NPAT: variants seen among roughly 807,000 people sequenced by gnomAD.
NPAT encodes the protein nuclear protein, coactivator of histone transcription.
In NPAT, 52 loss-of-function variants were observed where a neutral mutation model predicts 130.7. That is an observed-to-expected ratio of 0.40 (90% confidence interval 0.32 to 0.50). The LOEUF is 0.50. Ranked by LOEUF, NPAT falls within the 20% of genes least tolerant of loss-of-function variation. The pLI is 0.68. For missense variants in NPAT, 1,687 were observed against 1,662.6 expected (o/e 1.01, Z -0.26); for synonymous variants, 580 against 584.8 (o/e 0.99, Z 0.12).
At position 108,173,152 on chromosome 11, in the gene NPAT, T is replaced by C. The variant is rs749013167; in HGVS notation, c.1832A>G (p.Glu611Gly). The C allele has an allele frequency of 1.2e-6, 2 of 1,613,846 alleles. No homozygotes were observed. Among genetic ancestry groups the C allele is most frequent in the Non-Finnish European group, 8.5e-7 (1 of 1,179,858 alleles). ...TCCAGATACATTTAAATGTGAACTT[T>C]CAACAGACACAGGTAGTATTTCACT... ...LQSEILPVSVESSHLNVSGQV... is the reference protein window; with the variant it reads ...LQSEILPVSVGSSHLNVSGQV... Residue 611 changes from glutamate (E) to glycine (G), a missense_variant, in exon 13 of 18, where the codon GAA becomes GGA. Coordinates refer to ENST00000278612, the MANE Select transcript of NPAT (RefSeq NM_002519.3).
At chr11:108,213,402 C>A (rs73006236) in intron 1 of NPAT, among the ~76,000 whole-genome samples, 1 of 152,236 alleles carries the variant, frequency 6.6e-6, no homozygotes, top group Non-Finnish European at 1.5e-5. Context: ...GAATGCAATG[C>A]TAGTTACAAT....
At chr11:108,203,070 C>T (rs780611572) in intron 1 of NPAT, among the ~76,000 whole-genome samples, 12 of 152,140 alleles carry the variant, frequency 7.9e-5, no homozygotes, top group Non-Finnish European at 1.6e-4. Context: ...CAAAAGGTAC[C>T]GCAGAAAACT....
intron 10 of NPAT, among the ~76,000 whole-genome samples, chr11:108,183,171 T>C (rs775570335): frequency 3.9e-5 from 6 of 152,130 alleles, no homozygotes; most frequent in African/African-American, 1.4e-4. Flanking sequence ...TTTTTTTGTA[T>C]AGATGAGGTC....
At position 108,177,099 on chromosome 11, in the gene NPAT, A is replaced by C. The variant is rs766201199; in HGVS notation, c.907-9T>G. ...GACATGTGAATTTCACTCTGCAAGA[A>C]AGGAGTGGCGTGAAGGCATGATTCT... On this transcript the variant is annotated splice_polypyrimidine_tract_variant and intron_variant, in intron 10 of 17. Transcript: ENST00000278612. 1 of 1,543,054 alleles carries C rather than the reference A, an allele frequency of 6.5e-7. No homozygotes were observed. The highest frequency in any genetic ancestry group is 1.1e-5 in the South Asian group (1 of 89,562).
At chr11:108,160,419 G>GA (rs34628275) in intron 17 of NPAT, among the ~76,000 whole-genome samples, 18 of 147,992 alleles carry the variant, frequency 1.2e-4, no homozygotes, top group East Asian at 3.9e-4. Context: ...AGACGTGGGG[G>GA]AAAAAAAAAA....
At position 108,161,025 on chromosome 11, in the gene NPAT, T is replaced by C. The variant is rs940031899; in HGVS notation, c.4061A>G (p.Asp1354Gly). Reference sequence around the variant, plus strand: ...AGATGCTCTAAACTGTTGTGTGTTATCTTTCAGAGGAGTTGCTGAAGTAGT... The same window carrying C: ...AGATGCTCTAAACTGTTGTGTGTTACCTTTCAGAGGAGTTGCTGAAGTAGT... ...SRTTSATPLKDNTQQFRASSR... is the reference protein window; with the variant it reads ...SRTTSATPLKGNTQQFRASSR... The change falls in exon 17 of 18, where the codon GAT (aspartate) becomes GGT (glycine). Residue 1354 changes from aspartate (D) to glycine (G), a missense_variant. This residue lies in a region of NPAT where 1,379 missense variants were observed against 1,346.6 expected (regional missense o/e 1.02). Transcript: ENST00000278612. The C allele has an allele frequency of 1.9e-6, 3 of 1,614,112 alleles. No homozygotes were observed. The highest frequency in any genetic ancestry group is 1.3e-5 in the African/African-American group (1 of 74,942).
At chr11:108,160,647 G>A (rs1314510248) in intron 17 of NPAT, among the ~76,000 whole-genome samples, 1 of 152,084 alleles carries the variant, frequency 6.6e-6, no homozygotes, top group Non-Finnish European at 1.5e-5. Flanking sequence ...GACACCTTGT[G>A]CGTACTACAC....
At position 108,188,999 on chromosome 11, in the gene NPAT, TG is replaced by T. The variant is rs202071366; in HGVS notation, c.556+106del. ...CACTTTTAGTCTCTCTCATCTTTTA[TG>T]GGGGGGGCCATAATTTTACACTATG... On this transcript the variant is annotated intron_variant, in intron 6 of 17. Coordinates refer to ENST00000278612, the MANE Select transcript of NPAT (RefSeq NM_002519.3). The T allele has an allele frequency of 1.3e-4, 110 of 862,692 alleles. 1 individual carries two copies. Among genetic ancestry groups the T allele is most frequent in the Middle Eastern group, 3.3e-4 (1 of 3,032 alleles). 53.4% of individuals were successfully genotyped at this position (862,692 alleles called of 1,614,324 possible). A position where few individuals can be genotyped will look rare whatever the true frequency, so the allele number is the denominator to read the frequency against.
At position 108,172,491 on chromosome 11, in the gene NPAT, A is replaced by G; in HGVS notation, c.2493T>C (p.Asp831=). Residue 831 remains aspartate, a synonymous_variant, in exon 13 of 18, where the codon GAT becomes GAC. Transcript: ENST00000278612. ...TAACATTAGCTGAAAAAGCAATGCC[A>G]TCTTCATTCTGAGTATTGTTTACTG... ...DSAVNNTQNE[D]GIAFSANVTP... 6.2e-7 allele frequency: 1 copy of G among 1,614,212 alleles called. No homozygotes were observed. The highest frequency in any genetic ancestry group is 8.5e-7 in the Non-Finnish European group (1 of 1,180,026).
intron 1 of NPAT, among the ~76,000 whole-genome samples, chr11:108,205,500 T>C (rs539454870): frequency 5.5e-4 from 83 of 152,270 alleles, no homozygotes; most frequent in African/African-American, 1.8e-3. Context: ...ACTCCTAGCC[T>C]CAAGCGATCC....
At chr11:108,210,042 C>CGG (rs1488536033) in intron 1 of NPAT, among the ~76,000 whole-genome samples, 2 of 148,854 alleles carry the variant, frequency 1.3e-5, no homozygotes, top group Admixed American at 6.7e-5. Context: ...TCTCTGAAAA[C>CGG]GTCAACAATG....
At chr11:108,214,779 C>A (rs1327305682) in intron 1 of NPAT, among the ~76,000 whole-genome samples, 1 of 151,928 alleles carries the variant, frequency 6.6e-6, no homozygotes, top group Non-Finnish European at 1.5e-5. Context: ...ATTACAGACG[C>A]CTGCCACCAT....
At position 108,161,831 on chromosome 11, in the gene NPAT, G is replaced by T. The variant is rs1482391907; in HGVS notation, c.3255C>A (p.Ser1085=). ...AGACTGCATTCCTTTCTTTGTTTTG[G>T]GACACCATCTTATGGTTTGGCCCCT... The part of the protein sequence containing the change: ...NTQGPNHKMV[S]QNKERNAVSF... Residue 1085 remains serine (S), a synonymous_variant, in exon 17 of 18, where the codon TCC becomes TCA. Transcript: ENST00000278612. The T allele has an allele frequency of 6.2e-7, 1 of 1,614,032 alleles. No homozygotes were observed. Among genetic ancestry groups the T allele is most frequent in the East Asian group, 2.2e-5 (1 of 44,878 alleles).
At chr11:108,219,795 T>C (rs1456052931) in intron 1 of NPAT, among the ~76,000 whole-genome samples, 1 of 152,194 alleles carries the variant, frequency 6.6e-6, no homozygotes, top group Non-Finnish European at 1.5e-5. Context: ...ACTATACATT[T>C]TTAAGTGTTG....
At chr11:108,164,072 G>A (rs573062777) in intron 15 of NPAT, among the ~76,000 whole-genome samples, 19 of 152,302 alleles carry the variant, frequency 1.2e-4, no homozygotes, top group Non-Finnish European at 8.8e-5. Context: ...GATGATTTTG[G>A]AAGCAGAATA....
chr11:108,170,538 C>A (rs986183521), intron 13 of NPAT, among the ~76,000 whole-genome samples: 1 of 152,134 alleles, frequency 6.6e-6, no homozygotes. Context: ...AAGGTAAGCA[C>A]GTAACTGGTC....
At chr11:108,199,551 C>T (rs1276933440) in intron 1 of NPAT, among the ~76,000 whole-genome samples, 1 of 152,182 alleles carries the variant, frequency 6.6e-6, no homozygotes, top group Non-Finnish European at 1.5e-5. Context: ...TCTGAGGCTT[C>T]TTGCCTTCAC....
chr11:108,172,288 G>C lies in NPAT; in HGVS notation c.2696C>G (p.Ala899Gly). The change falls in exon 13 of 18, where the codon GCT becomes GGT. Residue 899 changes from alanine to glycine, a missense_variant. Coordinates refer to ENST00000278612, the MANE Select transcript of NPAT (RefSeq NM_002519.3). ...CTGTAACTGAGGTGGTAGAGGTTGA[G>C]CAGTCATAGGTGCAGAATTTCCAGG... is the stretch of plus-strand genomic sequence containing the variant. The part of the protein sequence containing the change: ...VLPGNSAPMT[A>G]QPLPPQLQTP... 1 of 1,614,098 alleles carries C rather than the reference G, an allele frequency of 6.2e-7. No individual in the cohort carries two copies. Among genetic ancestry groups the C allele is most frequent in the Non-Finnish European group, 8.5e-7 (1 of 1,179,940 alleles).
chr11:108,187,844 AC>A (rs2078122995), intron 7 of NPAT, among the ~76,000 whole-genome samples: 5 of 152,208 alleles, frequency 3.3e-5, no homozygotes, highest in African/African-American at 1.2e-4. Context: ...TGTAAGATAT[AC>A]CATTATTTTA....
Sources: gnomAD v4.1 joint callset for allele counts (sites outside exome capture counted in the v4.1 genomes callset) on GRCh38, gnomAD v4.1.1 for gene constraint, gnomAD v4.1.1 regional missense constraint, MANE v1.5 for transcripts, NCBI Gene and HGNC (gene_info 2026-07-23, HGNC 2026-07-21) for gene names.